Variants in CSMD1 observed in about 807,000 individuals in gnomAD.
CSMD1 encodes CUB and sushi domain-containing protein 1.
Under a neutral mutation model 417.5 loss-of-function variants are expected in CSMD1, and 213 were observed. The observed-to-expected ratio is 0.51, with a 90% CI of 0.46 to 0.57. The LOEUF is 0.57. Ranked by LOEUF, CSMD1 falls within the 20% of genes least tolerant of loss-of-function variation. CSMD1 has a pLI of 0.00. For missense variants in CSMD1, 6,923 were observed against 4,529.7 expected (o/e 1.53, Z -15.17); for synonymous variants, 2,862 against 1,736.8 (o/e 1.65, Z -16.11).
chr8:4,591,927 C>A (rs145225169), intron 2 of CSMD1, among the ~76,000 whole-genome samples: 1 of 152,004 alleles, frequency 6.6e-6, no homozygotes, highest in African/African-American at 2.4e-5. Flanking sequence ...TTCAGGAGAT[C>A]GGAGGAAAGG....
chr8:4,247,400 T>C (rs1263574127), intron 3 of CSMD1, among the ~76,000 whole-genome samples: 4 of 152,172 alleles, frequency 2.6e-5, no homozygotes, highest in Non-Finnish European at 5.9e-5. Context: ...ATTGGTTGCA[T>C]CTCCAGCTTG....
At position 2,938,539 on chromosome 8, in the gene CSMD1, C is replaced by T. The variant is rs2066863162; in HGVS notation, c.*46G>A. The T allele has an allele frequency of 1.3e-6, 2 of 1,562,624 alleles. No homozygotes were observed. Among genetic ancestry groups the T allele is most frequent in the Non-Finnish European group, 1.7e-6 (2 of 1,148,034 alleles). On this transcript the variant is annotated 3_prime_UTR_variant, in exon 70 of 70. Coordinates refer to ENST00000635120, the MANE Select transcript of CSMD1 (RefSeq NM_033225.6). ...TGGCACCAAAGGAATCACTGCTTGT[C>T]CATCAGAGGTATGGCTATGAATCAG...
chr8:4,071,528 G>A (rs1041219672), intron 3 of CSMD1, among the ~76,000 whole-genome samples: 8 of 151,326 alleles, frequency 5.3e-5, no homozygotes, highest in African/African-American at 1.7e-4. Flanking sequence ...AAGCATAATT[G>A]TAATAACAGC....
intron 3 of CSMD1, among the ~76,000 whole-genome samples, chr8:4,276,372 G>A (rs918600867): frequency 1.3e-5 from 2 of 152,232 alleles, no homozygotes; most frequent in Admixed American, 6.5e-5. Flanking sequence ...ACTATCACAA[G>A]AACAGAAAAC....
Position 4,401,948 on chromosome 8 carries a change from G to A in CSMD1, c.415+18005C>T, listed in dbSNP as rs544920267. ...CATCCATCCCACCCTGCTCTCCCGT[G>A]CATTTGATACACTGGCTCCTTGAAA... On this transcript the variant is annotated intron_variant, in intron 3 of 69. Transcript: ENST00000635120. 4.6e-4 allele frequency among the ~76,000 whole-genome samples: 70 copies of A among 152,124 alleles called. No individual in the cohort carries two copies. The South Asian group carries it at 0.014, about 29-fold the overall frequency.
At chr8:4,044,094 G>C (rs571447287) in intron 3 of CSMD1, among the ~76,000 whole-genome samples, 1 of 152,028 alleles carries the variant, frequency 6.6e-6, no homozygotes, top group African/African-American at 2.4e-5. Flanking sequence ...TTGTCTCTGT[G>C]ATATTATTTG....
chr8:4,415,638 CT>C, intron 3 of CSMD1, among the ~76,000 whole-genome samples: 1 of 152,160 alleles, frequency 6.6e-6, no homozygotes, highest in East Asian at 1.9e-4. Context: ...TTCATTTCAT[CT>C]TTGTATTCCT....
intron 5 of CSMD1, among the ~76,000 whole-genome samples, chr8:3,796,979 C>T (rs1427974056): frequency 6.6e-6 from 1 of 151,602 alleles, no homozygotes; most frequent in East Asian, 1.9e-4. Flanking sequence ...TTCCCCACAG[C>T]TAAAAAGTTA....
intron 2 of CSMD1, among the ~76,000 whole-genome samples, chr8:4,431,027 T>C (rs1201449928): frequency 6.6e-6 from 1 of 152,178 alleles, no homozygotes; most frequent in Non-Finnish European, 1.5e-5. Flanking sequence ...GCATAAGACC[T>C]GTGCTTCTTC....
At chr8:3,259,507 A>C (rs2117080019) in intron 26 of CSMD1, among the ~76,000 whole-genome samples, 1 of 152,352 alleles carries the variant, frequency 6.6e-6, no homozygotes, top group Non-Finnish European at 1.5e-5. Flanking sequence ...GTCTGATATT[A>C]GCTTTTCTTT....
intron 3 of CSMD1, among the ~76,000 whole-genome samples, chr8:4,370,075 G>A (rs374364235): frequency 5.3e-5 from 8 of 151,778 alleles, no homozygotes; most frequent in African/African-American, 1.9e-4. Context: ...GTTTTTCGGT[G>A]GTAGTCATTC....
chr8:3,875,992 C>A (rs541678589), intron 5 of CSMD1, among the ~76,000 whole-genome samples: 1 of 152,298 alleles, frequency 6.6e-6, no homozygotes, highest in East Asian at 1.9e-4. Context: ...ACATGTCTTA[C>A]ATTTCTTCCT....
chr8:3,246,481 AT>A (rs1398238213), intron 26 of CSMD1, among the ~76,000 whole-genome samples: 8 of 151,340 alleles, frequency 5.3e-5, no homozygotes, highest in African/African-American at 7.3e-5. Flanking sequence ...TTAAATTTGT[AT>A]TTTTTTTGTG....
At chr8:3,740,730 C>T (rs1401944328) in intron 6 of CSMD1, among the ~76,000 whole-genome samples, 11 of 152,276 alleles carry the variant, frequency 7.2e-5, no homozygotes. Context: ...GTCTAAAAGA[C>T]TTGGTACCTA....
chr8:3,254,740 C>A (rs1273351805), intron 26 of CSMD1, among the ~76,000 whole-genome samples: 1 of 152,158 alleles, frequency 6.6e-6, no homozygotes, highest in Non-Finnish European at 1.5e-5. Flanking sequence ...TTAAGGACTT[C>A]TGTGCATTGG....
rs547145603 is a variant in CSMD1, at chr8:3,037,330, C to T, written c.7661-7817G>A. On this transcript the variant is annotated intron_variant, in intron 50 of 69. Coordinates refer to ENST00000635120, the MANE Select transcript of CSMD1 (RefSeq NM_033225.6). ...ACGCCATTCTCCTGCCTCAGCCTCC[C>T]GAGTAGCTGGGACTACAGGCGCCCG... Among the ~76,000 whole-genome samples, 74 of 140,082 alleles carry T rather than the reference C, an allele frequency of 5.3e-4. 1 individual carries two copies. Among genetic ancestry groups the T allele is most frequent in the African/African-American group, 1.8e-3 (68 of 38,684 alleles). The allele number at this position is 140,082 out of a possible 152,430, so 91.9% of individuals were successfully genotyped here.
chr8:3,097,931 T>C lies in CSMD1; in HGVS notation c.6950-894A>G, dbSNP rs1585341846. Among the ~76,000 whole-genome samples the C allele has an allele frequency of 2.0e-5, 3 of 152,238 alleles. No homozygotes were observed. In the East Asian group the frequency reaches 5.8e-4, roughly 29 times the overall value. ...ATTAATTGTAAATGTATCATGAAGA[T>C]ACTATGGATACATCGTATCTTTTCT... On this transcript the variant is annotated intron_variant, in intron 46 of 69. Coordinates refer to ENST00000635120, the MANE Select transcript of CSMD1 (RefSeq NM_033225.6).
intron 3 of CSMD1, among the ~76,000 whole-genome samples, chr8:4,061,317 C>T (rs1197798297): frequency 6.6e-6 from 1 of 152,086 alleles, no homozygotes; most frequent in Non-Finnish European, 1.5e-5. Context: ...ATTTCTTTAA[C>T]AAGGAACCAC....
intron 16 of CSMD1, among the ~76,000 whole-genome samples, chr8:3,399,163 G>C (rs1212664922): frequency 1.3e-5 from 2 of 152,172 alleles, no homozygotes; most frequent in Admixed American, 1.3e-4. Context: ...TGGTCCTCCA[G>C]GACTGGCAGT....
Sources: gnomAD v4.1 joint callset for allele counts (sites outside exome capture counted in the v4.1 genomes callset) on GRCh38, gnomAD v4.1.1 for gene constraint, MANE v1.5 for transcripts, NCBI Gene and HGNC (gene_info 2026-07-23, HGNC 2026-07-21) for gene names.